The following PLCH1 variants were observed in gnomAD, a reference collection of about 807,000 sequenced individuals.
PLCH1 encodes 1-phosphatidylinositol 4,5-bisphosphate phosphodiesterase eta-1.
Under a neutral mutation model 126.7 loss-of-function variants are expected in PLCH1, and 60 were observed. That is an observed-to-expected ratio of 0.47 (90% confidence interval 0.38 to 0.59). PLCH1 has a LOEUF of 0.59. Among genes scored for constraint, PLCH1 ranks in the 20% least tolerant of loss-of-function variants. The probability of loss-of-function intolerance (pLI) is 0.00; values close to 1 mark genes in which losing one functional copy is unlikely to be tolerated. For synonymous variants in PLCH1, 719 were observed against 734.9 expected (o/e 0.98, Z 0.35); for missense variants, 1,723 against 2,040.0 (o/e 0.84, Z 2.99).
At chr3:155,451,167 A>G (rs181363709) in intron 21 of PLCH1, among the ~76,000 whole-genome samples, 174 of 152,270 alleles carry the variant, frequency 1.1e-3, no homozygotes, top group South Asian at 3.9e-3. Context: ...GAGAATTCAA[A>G]TTAATAAATA....
chr3:155,586,921 A>C (rs1298941964), intron 4 of PLCH1, among the ~76,000 whole-genome samples: 1 of 152,236 alleles, frequency 6.6e-6, no homozygotes, highest in Non-Finnish European at 1.5e-5. Flanking sequence ...TAAAAGCTAC[A>C]TTACTGGTTC....
chr3:155,673,048 CTTTTTTT>C (rs66672315), intron 2 of PLCH1, among the ~76,000 whole-genome samples: 4 of 68,224 alleles, frequency 5.9e-5, no homozygotes, highest in African/African-American at 1.4e-4. Flanking sequence ...CTTCTGTTGC[CTTTTTTT>C]TTTTTTTTTT....
chr3:155,561,473 T>C (rs562856965), intron 8 of PLCH1, among the ~76,000 whole-genome samples: 1 of 151,964 alleles, frequency 6.6e-6, no homozygotes, highest in African/African-American at 2.4e-5. Context: ...TCATCATTTT[T>C]TATGGCTGCA....
At chr3:155,693,542 C>T (rs968722130) in intron 2 of PLCH1, among the ~76,000 whole-genome samples, 5 of 151,818 alleles carry the variant, frequency 3.3e-5, no homozygotes, top group African/African-American at 7.2e-5. Flanking sequence ...GACTATTTTT[C>T]CCATCTTTAC....
At chr3:155,547,417 T>C (rs1440143247) in intron 10 of PLCH1, among the ~76,000 whole-genome samples, 3 of 44,342 alleles carry the variant, frequency 6.8e-5, no homozygotes, top group African/African-American at 1.3e-4. Flanking sequence ...TGTGGAGAAA[T>C]AGGAACACTT....
chr3:155,604,651 T>G (rs1734142219), intron 2 of PLCH1, among the ~76,000 whole-genome samples: 1 of 152,198 alleles, frequency 6.6e-6, no homozygotes. Context: ...GTCTATTTTA[T>G]GTGTAACAAT....
chr3:155,475,055 T>G (rs1713472568), downstream of PLCH1, among the ~76,000 whole-genome samples: 3 of 147,404 alleles, frequency 2.0e-5, no homozygotes, highest in Admixed American at 2.0e-4. Context: ...TGTGCACATG[T>G]ACCCTAAAAC....
At chr3:155,689,297 C>T (rs763314397) in intron 2 of PLCH1, among the ~76,000 whole-genome samples, 17 of 152,084 alleles carry the variant, frequency 1.1e-4, no homozygotes, top group Non-Finnish European at 1.8e-4. Context: ...GAAAGTCTTT[C>T]CAAGAAGAAC....
chr3:155,629,425 C>T (rs917969927), intron 2 of PLCH1, among the ~76,000 whole-genome samples: 1 of 152,178 alleles, frequency 6.6e-6, no homozygotes, highest in Non-Finnish European at 1.5e-5. Flanking sequence ...CAGACTTGCT[C>T]GTATAACTGC....
intron 17 of PLCH1, 104 bp downstream of exon 17, chr3:155,494,037 T>C (rs1716643664): frequency 2.4e-6 from 2 of 839,088 alleles, no homozygotes; most frequent in Non-Finnish European, 3.9e-6. Context: ...TGAAAAACTC[T>C]GGGGTATCAC....
intron 2 of PLCH1, among the ~76,000 whole-genome samples, chr3:155,668,778 G>T (rs1401136516): frequency 6.6e-6 from 1 of 152,100 alleles, no homozygotes; most frequent in Non-Finnish European, 1.5e-5. Context: ...CTGTAATCCT[G>T]CTACTTAGGA....
At chr3:155,526,012 G>A (rs1300291885) in intron 10 of PLCH1, among the ~76,000 whole-genome samples, 4 of 152,248 alleles carry the variant, frequency 2.6e-5, no homozygotes, top group Middle Eastern at 3.4e-3. Context: ...GAAAGGCTTC[G>A]AGGGCAGCTA....
In PLCH1 at chr3:155,566,330, C is replaced by T. The variant is rs1328650027; in HGVS notation, c.866-1212G>A. Among the ~76,000 whole-genome samples the T allele has an allele frequency of 1.3e-4, 7 of 54,744 alleles. 3 individuals carry two copies. Among genetic ancestry groups the T allele is most frequent in the Admixed American group, 4.0e-4 (2 of 5,044 alleles). 35.9% of individuals were successfully genotyped at this position (54,744 alleles called of 152,430 possible). ...ATATATACATATATACATATATATA[C>T]GTATATATACACATATATATACATA... is the stretch of plus-strand genomic sequence containing the variant. On this transcript the variant is annotated intron_variant, in intron 7 of 22. Transcript: ENST00000460012.
intron 2 of PLCH1, among the ~76,000 whole-genome samples, chr3:155,620,793 T>C (rs371206552): frequency 5.9e-5 from 9 of 152,268 alleles, no homozygotes; most frequent in East Asian, 3.9e-4. Flanking sequence ...CCCATCTCCC[T>C]GGGACAGAGC....
chr3:155,698,284 T>C (rs1745987360), intron 2 of PLCH1, among the ~76,000 whole-genome samples: 2 of 152,278 alleles, frequency 1.3e-5, no homozygotes, highest in Middle Eastern at 3.4e-3. Flanking sequence ...AAAATATAAA[T>C]AAATAGCATT....
rs555185463 is a variant in PLCH1, at chr3:155,682,832, C to T, written c.79+21314G>A. On this transcript the variant is annotated intron_variant, in intron 2 of 22. Transcript: ENST00000460012. ...CTTAAATTGCAAACCCAGTGTATTA[C>T]AAAAATTTTAGCTGAGAAGAGATGA... Among the ~76,000 whole-genome samples, 4 of 152,294 alleles carry T rather than the reference C, an allele frequency of 2.6e-5. No individual in the cohort carries two copies. The South Asian group carries it at 8.3e-4, about 32-fold the overall frequency.
chr3:155,513,518 G>C (rs1218049237), intron 12 of PLCH1, among the ~76,000 whole-genome samples: 1 of 152,204 alleles, frequency 6.6e-6, no homozygotes, highest in Non-Finnish European at 1.5e-5. Context: ...ATAAGCCAAT[G>C]AGAGTTCACC....
intron 1 of PLCH1, among the ~76,000 whole-genome samples, chr3:155,739,488 C>A (rs1749457450): frequency 6.6e-6 from 1 of 151,988 alleles, no homozygotes; most frequent in Admixed American, 6.5e-5. Flanking sequence ...TAAACAAAGT[C>A]GTGAATGTTT....
chr3:155,470,357 G>A (rs569891364), intron 21 of PLCH1, among the ~76,000 whole-genome samples: 1,834 of 152,210 alleles, frequency 0.012, 29 homozygotes, highest in African/African-American at 0.042. Context: ...GAAATGAAGC[G>A]AGAAGGGAAG....
Sources: allele counts gnomAD v4.1 joint callset (sites outside exome capture counted in the v4.1 genomes callset), GRCh38; gene constraint gnomAD v4.1.1; transcripts MANE v1.5; gene names NCBI Gene and HGNC (gene_info 2026-07-23, HGNC 2026-07-21).